The following HIVEP2 variants were observed in gnomAD, a reference collection of about 807,000 sequenced individuals.
HIVEP2 encodes transcription factor HIVEP2.
A neutral mutation model predicts 180.7 loss-of-function variants in HIVEP2; 14 were observed. The ratio of observed to expected loss-of-function variants is 0.08; its 90% CI spans 0.05 to 0.12. HIVEP2 has a LOEUF of 0.12. Among genes scored for constraint, HIVEP2 ranks in the 10% least tolerant of loss-of-function variants. The probability of loss-of-function intolerance (pLI) is 1.00; values close to 1 mark genes in which losing one functional copy is unlikely to be tolerated. For synonymous variants in HIVEP2, 1,184 were observed against 1,136.4 expected, an observed-to-expected ratio of 1.04 and a Z score of -0.84; for missense variants, 2,579 against 3,008.5, an observed-to-expected ratio of 0.86 and a Z score of 3.34.
At chr6:142,777,674 A>C (rs1468961623) in intron 3 of HIVEP2, among the ~76,000 whole-genome samples, 1 of 145,696 alleles carries the variant, frequency 6.9e-6, no homozygotes, top group East Asian at 2.0e-4. Flanking sequence ...AAAAAAAAAA[A>C]AAAAAAAAAA....
intron 1 of HIVEP2, among the ~76,000 whole-genome samples, chr6:142,909,050 G>C (rs1444515062): frequency 6.6e-6 from 1 of 152,100 alleles, no homozygotes; most frequent in Non-Finnish European, 1.5e-5. Flanking sequence ...TTGAAGAGCA[G>C]GTGTATCATT....
intron 1 of HIVEP2, among the ~76,000 whole-genome samples, chr6:142,912,493 C>A (rs937091139): frequency 7.9e-5 from 12 of 152,216 alleles, no homozygotes; most frequent in Non-Finnish European, 1.8e-4. Flanking sequence ...ACGTGCACAT[C>A]CATCTCCTCT....
In HIVEP2 at chr6:142,773,873, G is replaced by A; in HGVS notation, c.866C>T (p.Ala289Val). The A allele has an allele frequency of 6.2e-7, 1 of 1,613,510 alleles. No individual in the cohort carries two copies. The highest frequency in any genetic ancestry group is 8.5e-7 in the Non-Finnish European group (1 of 1,180,006). ...AGGACTCATTTTGTCAGAAGCCTCG[G>A]CAAATAAAGAACTCTCCTCATCTGT... is the stretch of plus-strand genomic sequence containing the variant. The part of the protein sequence containing the change: ...TDTDEESSLF[A>V]EASDKMSPGP... Residue 289 changes from alanine to valine, a missense_variant, in exon 5 of 10, where the codon GCC becomes GTC. Transcript: ENST00000367603.
chr6:142,841,498 T>C (rs1238611766), intron 1 of HIVEP2, among the ~76,000 whole-genome samples: 2 of 152,134 alleles, frequency 1.3e-5, no homozygotes, highest in Non-Finnish European at 1.5e-5. Flanking sequence ...TTCAAATCCA[T>C]GGTAGAGCTA....
At chr6:142,780,223 C>G (rs1775818979) in intron 3 of HIVEP2, among the ~76,000 whole-genome samples, 2 of 152,180 alleles carry the variant, frequency 1.3e-5, no homozygotes. Context: ...TACCAGGAAG[C>G]TAGGTGATAT....
intron 1 of HIVEP2, among the ~76,000 whole-genome samples, chr6:142,856,159 C>A (rs905957608): frequency 2.6e-5 from 4 of 151,752 alleles, no homozygotes; most frequent in Non-Finnish European, 5.9e-5. Context: ...GGGGAAATGG[C>A]AGGTAACTGC....
At chr6:142,911,156 A>C (rs905400293) in intron 1 of HIVEP2, among the ~76,000 whole-genome samples, 2 of 151,682 alleles carry the variant, frequency 1.3e-5, no homozygotes, top group East Asian at 1.9e-4. Flanking sequence ...AAAAAAAAAA[A>C]AAAACTTAAA....
intron 1 of HIVEP2, among the ~76,000 whole-genome samples, chr6:142,914,954 T>C (rs986191154): frequency 7.2e-5 from 11 of 152,160 alleles, no homozygotes; most frequent in African/African-American, 1.7e-4. Flanking sequence ...TCAAATTTCA[T>C]CTCCTCTAAG....
At position 142,753,205 on chromosome 6, in the gene HIVEP2, C is replaced by T. The variant is rs568348021; in HGVS notation, c.7243G>A (p.Val2415Met). 4 of 1,614,066 alleles carry T rather than the reference C, an allele frequency of 2.5e-6. No homozygotes were observed. Among genetic ancestry groups the T allele is most frequent in the Non-Finnish European group, 3.4e-6 (4 of 1,179,898 alleles). ...TGAAAGTCCAACTGCTTGTCATCCA[C>T]ACAACTCTTGCTGTAAAACGTGGAG... is the stretch of plus-strand genomic sequence containing the variant. ...AHSTFYSKSCVDDKQLDFHSS... is the reference protein window; with the variant it reads ...AHSTFYSKSCMDDKQLDFHSS... Residue 2415 changes from valine to methionine, a missense_variant, in exon 10 of 10, where the codon GTG (valine) becomes ATG (methionine). This residue lies in a region of HIVEP2 where 660 missense variants were observed against 731.7 expected (regional missense o/e 0.90). Coordinates refer to ENST00000367603, the MANE Select transcript of HIVEP2 (RefSeq NM_006734.4).
rs372617925 is a variant in HIVEP2, at chr6:142,774,495, T to G, written c.244A>C (p.Lys82Gln). The G allele has an allele frequency of 1.3e-5, 21 of 1,614,128 alleles. No individual in the cohort carries two copies. In the African/African-American group the frequency reaches 2.7e-4, roughly 20 times the overall value. ...PSEVVQQVAE[K>Q]QYPPHRPSPY... is the part of the protein sequence containing the mutation. Reference sequence around the variant, plus strand: ...CTCGGACGATGCGGTGGATATTGCTTCTCTGCGACTTGCTGCACCACTTCA... The same window carrying G: ...CTCGGACGATGCGGTGGATATTGCTGCTCTGCGACTTGCTGCACCACTTCA... The change falls in exon 5 of 10, where the codon AAG becomes CAG. Residue 82 changes from lysine to glutamine, a missense_variant. Transcript: ENST00000367603. The surrounding 1 kb of genome is among the most constrained non-coding windows in gnomAD (Gnocchi z 5.1).
intron 1 of HIVEP2, among the ~76,000 whole-genome samples, chr6:142,884,778 T>G (rs1776655677): frequency 6.6e-6 from 1 of 152,180 alleles, no homozygotes; most frequent in Admixed American, 6.5e-5. Flanking sequence ...TAAATCTCAC[T>G]ACATCCAGTT....
intron 1 of HIVEP2, among the ~76,000 whole-genome samples, chr6:142,906,207 A>C (rs1295318418): frequency 6.6e-6 from 1 of 152,322 alleles, no homozygotes; most frequent in East Asian, 1.9e-4. Flanking sequence ...ATAACTTTGA[A>C]GGCATTCATG....
In HIVEP2 at chr6:142,771,281, A is replaced by G; in HGVS notation, c.3458T>C (p.Leu1153Pro). 6.2e-7 allele frequency: 1 copy of G among 1,613,796 alleles called. No individual in the cohort carries two copies. Among genetic ancestry groups the G allele is most frequent in the Non-Finnish European group, 8.5e-7 (1 of 1,180,026 alleles). ...CPPLSSGPLHLAQPQIMHMDS... is the reference protein window; with the variant it reads ...CPPLSSGPLHPAQPQIMHMDS... ...CATGTGCATGATCTGTGGCTGGGCC[A>G]GGTGCAGTGGCCCCGAGCTCAGCGG... is the stretch of plus-strand genomic sequence containing the variant. The change falls in exon 5 of 10, where the codon CTG becomes CCG. Residue 1153 changes from leucine (L) to proline (P), a missense_variant. Around this residue, in one of 11 missense-constraint regions of HIVEP2, gnomAD observed 523 missense variants for 577.0 expected, o/e 0.91. Coordinates refer to ENST00000367603, the MANE Select transcript of HIVEP2 (RefSeq NM_006734.4). This position sits in a 1 kb window ranked among gnomAD's most constrained non-coding sequence, Gnocchi z 5.4.
rs988732991 is a variant in HIVEP2, at chr6:142,943,141, A to G, written c.-641+1958T>C. ...GAATTTTCTCTTAATAATGAAAATG[A>G]TACCCACTTTAGTCACAGAAAGGAC... On this transcript the variant is annotated intron_variant, in intron 1 of 9. Transcript: ENST00000367603. This position sits in a 1 kb window ranked among gnomAD's most constrained non-coding sequence, Gnocchi z 4.5. Among the ~76,000 whole-genome samples the G allele has an allele frequency of 6.6e-6, 1 of 152,200 alleles. No individual in the cohort carries two copies. Among genetic ancestry groups the G allele is most frequent in the African/African-American group, 2.4e-5 (1 of 41,440 alleles).
At chr6:142,915,528 CTT>C (rs1048968790) in intron 1 of HIVEP2, among the ~76,000 whole-genome samples, 7 of 152,178 alleles carry the variant, frequency 4.6e-5, no homozygotes, top group Non-Finnish European at 8.8e-5. Flanking sequence ...CAATAGATGT[CTT>C]TTGTTTTCAG....
intron 2 of HIVEP2, among the ~76,000 whole-genome samples, chr6:142,785,049 A>G (rs1345678030): frequency 1.3e-5 from 2 of 151,678 alleles, no homozygotes; most frequent in Non-Finnish European, 2.9e-5. Context: ...CACCACGCCC[A>G]GCTAATTTTT....
chr6:142,930,499 C>A (rs904699135), intron 1 of HIVEP2, among the ~76,000 whole-genome samples: 5 of 151,266 alleles, frequency 3.3e-5, no homozygotes, highest in Non-Finnish European at 7.4e-5. Context: ...GGCTAGCTAA[C>A]TAAACAAAGT....
intron 2 of HIVEP2, among the ~76,000 whole-genome samples, chr6:142,807,584 G>A (rs1217934551): frequency 3.3e-5 from 5 of 151,400 alleles, no homozygotes; most frequent in East Asian, 3.9e-4. Context: ...CACCCCAAAC[G>A]CCTTAAACAG....
At chr6:142,882,235 T>A (rs1039044940) in intron 1 of HIVEP2, among the ~76,000 whole-genome samples, 2 of 152,182 alleles carry the variant, frequency 1.3e-5, no homozygotes, top group Non-Finnish European at 2.9e-5. Flanking sequence ...TATGAAACAT[T>A]TTAAAACTTG....
Sources: allele counts gnomAD v4.1 joint callset (sites outside exome capture counted in the v4.1 genomes callset), GRCh38; gene constraint gnomAD v4.1.1; regional missense constraint gnomAD v4.1.1; non-coding constraint Gnocchi (gnomAD v3.1); transcripts MANE v1.5; gene names NCBI Gene and HGNC (gene_info 2026-07-23, HGNC 2026-07-21).